Variants in GUCY1A2 observed in about 807,000 individuals in gnomAD.
GUCY1A2 encodes guanylate cyclase 1 soluble subunit alpha 2.
GUCY1A2 carries 27 observed loss-of-function variants against 63.5 expected under a neutral mutation model. The observed-to-expected ratio is 0.43, with a 90% CI of 0.31 to 0.59. The LOEUF (loss-of-function observed/expected upper bound fraction) is 0.59. Among genes scored for constraint, GUCY1A2 ranks in the 20% least tolerant of loss-of-function variants. The pLI, the probability that GUCY1A2 is intolerant of heterozygous loss-of-function variation, is 0.11. For missense variants in GUCY1A2, 768 were observed against 913.3 expected (o/e 0.84, Z 2.05); for synonymous variants, 364 against 343.5 (o/e 1.06, Z -0.66).
chr11:106,709,321 A>G (rs1331970754), intron 6 of GUCY1A2, among the ~76,000 whole-genome samples: 1 of 63,946 alleles, frequency 1.6e-5, no homozygotes, highest in Non-Finnish European at 2.4e-5. Flanking sequence ...ATATATTTAT[A>G]TATATTATAT....
intron 1 of GUCY1A2, among the ~76,000 whole-genome samples, chr11:106,994,394 A>G (rs1438317058): frequency 6.6e-6 from 1 of 152,202 alleles, no homozygotes; most frequent in Non-Finnish European, 1.5e-5. Context: ...TACTAATTTG[A>G]GCTGAAAACA....
intron 4 of GUCY1A2, among the ~76,000 whole-genome samples, chr11:106,829,314 T>C (rs953004207): frequency 5.3e-5 from 8 of 152,114 alleles, no homozygotes; most frequent in African/African-American, 9.7e-5. Flanking sequence ...AGAGCCCTGA[T>C]TGGGGCCTGT....
chr11:106,962,180 G>T (rs541126236), intron 3 of GUCY1A2, among the ~76,000 whole-genome samples: 1 of 152,100 alleles, frequency 6.6e-6, no homozygotes, highest in African/African-American at 2.4e-5. Flanking sequence ...CTATTAACAG[G>T]ACTAGATTCA....
chr11:106,796,405 T>C (rs1352432038), intron 5 of GUCY1A2, among the ~76,000 whole-genome samples: 1 of 152,220 alleles, frequency 6.6e-6, no homozygotes, highest in African/African-American at 2.4e-5. Context: ...CTAGCATCGA[T>C]GGTCTTTACA....
chr11:106,772,241 A>G (rs1442111579), intron 6 of GUCY1A2, among the ~76,000 whole-genome samples: 2 of 152,182 alleles, frequency 1.3e-5, no homozygotes, highest in Non-Finnish European at 2.9e-5. Context: ...ACAAATTATC[A>G]ATTTACTTTT....
At chr11:106,871,056 C>T (rs915182903) in intron 4 of GUCY1A2, among the ~76,000 whole-genome samples, 2 of 149,166 alleles carry the variant, frequency 1.3e-5, no homozygotes, top group South Asian at 2.1e-4. Context: ...GTTCCAAGTG[C>T]ATAATTAGCA....
intron 5 of GUCY1A2, among the ~76,000 whole-genome samples, chr11:106,806,463 A>G (rs976739765): frequency 6.6e-6 from 1 of 152,348 alleles, no homozygotes; most frequent in African/African-American, 2.4e-5. Flanking sequence ...TTTCCCAAAG[A>G]CAAATGTAAA....
chr11:106,699,846 A>C (rs1242866526), intron 7 of GUCY1A2, among the ~76,000 whole-genome samples: 1 of 151,026 alleles, frequency 6.6e-6, no homozygotes, highest in Admixed American at 6.6e-5. Context: ...CAGTGGCGCC[A>C]TCTCGGCTCA....
chr11:106,957,855 CTTTTTTTTTTTTTTTTTTTTTTTTTTTT>C (rs59519013), intron 3 of GUCY1A2, among the ~76,000 whole-genome samples: 1 of 87,244 alleles, frequency 1.1e-5, no homozygotes, highest in African/African-American at 4.7e-5. Flanking sequence ...AAGGGACAAA[CTTTTTTTTTTTTTTTTTTTTTTTTTTTT>C]TTTTTTCAGA....
At chr11:106,899,957 G>T (rs1205625338) in intron 4 of GUCY1A2, among the ~76,000 whole-genome samples, 1 of 151,870 alleles carries the variant, frequency 6.6e-6, no homozygotes, top group African/African-American at 2.4e-5. Flanking sequence ...ATGGTAGCAG[G>T]CGCCTGCAGT....
intron 6 of GUCY1A2, among the ~76,000 whole-genome samples, chr11:106,728,306 C>T (rs1024594415): frequency 6.6e-6 from 1 of 152,120 alleles, no homozygotes; most frequent in Non-Finnish European, 1.5e-5. Context: ...TTTCTCTCAC[C>T]CTTTACTAGC....
rs180887302 is a variant in GUCY1A2 at position 106,782,191 on chromosome 11, T to C, written c.1693-5609A>G. Among the ~76,000 whole-genome samples, 473 of 152,200 alleles carry C rather than the reference T, an allele frequency of 3.1e-3. 1 individual carries two copies. The highest frequency in any genetic ancestry group is 5.8e-3 in the Non-Finnish European group (391 of 67,996). On this transcript the variant is annotated intron_variant, in intron 5 of 7. Coordinates refer to ENST00000526355, the MANE Select transcript of GUCY1A2 (RefSeq NM_000855.3). ...GCCTCTTTGAATTTTCTATGGGGCA[T>C]AAGAGCAGAGGTTCAGAGTCTACAT...
At chr11:107,000,342 T>C (rs1288639488) in intron 1 of GUCY1A2, among the ~76,000 whole-genome samples, 2 of 152,166 alleles carry the variant, frequency 1.3e-5, no homozygotes, top group Non-Finnish European at 2.9e-5. Flanking sequence ...CTCCCTCATA[T>C]CTGTCTGAAG....
Position 106,687,482 on chromosome 11 carries a change from A to AC in GUCY1A2, c.*66dup. 4.5e-6 allele frequency: 5 copies of AC among 1,116,826 alleles called. No homozygotes were observed. Among genetic ancestry groups the AC allele is most frequent in the South Asian group, 2.6e-5 (2 of 78,412 alleles). 69.2% of individuals were successfully genotyped at this position (1,116,826 alleles called of 1,614,324 possible). A position where few individuals can be genotyped will look rare whatever the true frequency, so the allele number is the denominator to read the frequency against. ...AATGAAAGAGACACAATCTCTTTCC[A>AC]CCCCCCATTGGTGACCCATGTTCTG... On this transcript the variant is annotated 3_prime_UTR_variant, in exon 8 of 8. Transcript: ENST00000526355.
chr11:106,734,807 C>T (rs1863561518), intron 6 of GUCY1A2, among the ~76,000 whole-genome samples: 1 of 152,058 alleles, frequency 6.6e-6, no homozygotes, highest in African/African-American at 2.4e-5. Flanking sequence ...GAGGTTGGAA[C>T]ATCTCGATTT....
chr11:106,727,494 G>C (rs569434253), intron 6 of GUCY1A2, among the ~76,000 whole-genome samples: 2 of 152,270 alleles, frequency 1.3e-5, no homozygotes, highest in East Asian at 3.9e-4. Context: ...TTAGCTTCTT[G>C]ATCTTGGAAG....
At chr11:106,793,095 G>A (rs1864691732) in intron 5 of GUCY1A2, among the ~76,000 whole-genome samples, 2 of 152,082 alleles carry the variant, frequency 1.3e-5, no homozygotes, top group African/African-American at 4.8e-5. Flanking sequence ...CAAAGCTGGA[G>A]CCGTCAGATT....
At chr11:106,769,493 G>C (rs547022824) in intron 6 of GUCY1A2, among the ~76,000 whole-genome samples, 1 of 152,162 alleles carries the variant, frequency 6.6e-6, no homozygotes, top group South Asian at 2.1e-4. Context: ...GCAAACTACA[G>C]AAGAGACTCA....
At chr11:107,011,543 TATATAA>T (rs1487612775) in intron 1 of GUCY1A2, among the ~76,000 whole-genome samples, 2 of 146,702 alleles carry the variant, frequency 1.4e-5, no homozygotes, top group African/African-American at 5.0e-5. Flanking sequence ...ATATATTAAA[TATATAA>T]ATATATTTAT....
Sources: gnomAD v4.1 joint callset for allele counts (sites outside exome capture counted in the v4.1 genomes callset) on GRCh38, gnomAD v4.1.1 for gene constraint, MANE v1.5 for transcripts, NCBI Gene and HGNC (gene_info 2026-07-23, HGNC 2026-07-21) for gene names.